Variants in NDUFA12 observed in about 807,000 individuals in gnomAD.
NDUFA12 encodes the protein NADH dehydrogenase [ubiquinone] 1 alpha subcomplex subunit 12.
NDUFA12 carries 17 observed loss-of-function variants against 20.3 expected under a neutral mutation model. The observed-to-expected ratio is 0.84, with a 90% CI of 0.57 to 1.26. The LOEUF (loss-of-function observed/expected upper bound fraction) is 1.26, where lower values mean the gene tolerates loss of function less well. Ranked by LOEUF, NDUFA12 falls within the 50% of genes most tolerant of loss-of-function variation. The pLI is 0.00. For synonymous variants in NDUFA12, 72 were observed against 63.6 expected (o/e 1.13, Z -0.63); for missense variants, 191 against 183.7 (o/e 1.04, Z -0.23).
At chr12:94,982,544 G>A (rs1874278469) in intron 3 of NDUFA12, among the ~76,000 whole-genome samples, 3 of 152,100 alleles carry the variant, frequency 2.0e-5, no homozygotes, top group Non-Finnish European at 4.4e-5. Context: ...CCAAGGTGCT[G>A]TGTGTGAGCC....
In NDUFA12 at chr12:95,002,780, T is replaced by C. The variant is rs1426485486; in HGVS notation, c.128A>G (p.Lys43Arg). ...AKVGTLVGEDKYGNKYYEDNK... is the reference protein window; with the variant it reads ...AKVGTLVGEDRYGNKYYEDNK... ...GTCTTCATAGTATTTGTTTCCATAT[T>C]TGTCTTCCCCCACTAATGTACCAAC... Residue 43 changes from lysine (K) to arginine (R), a missense_variant, in exon 2 of 4, where the codon AAA becomes AGA. Lys to Arg is a conservative substitution (Grantham distance 26, BLOSUM62 2). Coordinates refer to ENST00000327772, the MANE Select transcript of NDUFA12 (RefSeq NM_018838.5). The C allele has an allele frequency of 1.2e-6, 2 of 1,613,980 alleles. No homozygotes were observed. The highest frequency in any genetic ancestry group is 1.7e-6 in the Non-Finnish European group (2 of 1,179,996).
chr12:94,972,289 C>T lies in NDUFA12; in HGVS notation c.258-669G>A, dbSNP rs1245275512. On this transcript the variant is annotated intron_variant, in intron 3 of 3. Transcript: ENST00000327772. ...TTCAGACATGCCATGATTTTATCTA[C>T]CTCTAAGAAAGAAAAGATGCTACCA... is the stretch of plus-strand genomic sequence containing the variant. 3 of 271,818 alleles carry T rather than the reference C, an allele frequency of 1.1e-5. No individual in the cohort carries two copies. The East Asian group carries it at 2.7e-4, about 25-fold the overall frequency. The allele number at this position is 271,818 out of a possible 1,614,324, so 16.8% of individuals were successfully genotyped here. A position where few individuals can be genotyped will look rare whatever the true frequency, so the allele number is the denominator to read the frequency against.
intron 3 of NDUFA12, among the ~76,000 whole-genome samples, chr12:94,978,704 T>C (rs1324724148): frequency 6.6e-6 from 1 of 152,222 alleles, no homozygotes; most frequent in Non-Finnish European, 1.5e-5. Flanking sequence ...AGAAAATGAT[T>C]GTTCCTTATT....
chr12:94,976,540 C>T lies in NDUFA12; in HGVS notation c.258-4920G>A, dbSNP rs555069158. 2.1e-4 allele frequency among the ~76,000 whole-genome samples: 32 copies of T among 152,294 alleles called. No individual in the cohort carries two copies. In the South Asian group the frequency reaches 6.4e-3, roughly 31 times the overall value. On this transcript the variant is annotated intron_variant, in intron 3 of 3. Coordinates refer to ENST00000327772, the MANE Select transcript of NDUFA12 (RefSeq NM_018838.5). ...TTACTTATAATGCCTAATATGATGT[C>T]TGCATATGACTTCATTCATGTGGAT...
intron 3 of NDUFA12, among the ~76,000 whole-genome samples, chr12:94,990,160 C>A (rs1335747260): frequency 6.6e-6 from 1 of 151,872 alleles, no homozygotes; most frequent in Non-Finnish European, 1.5e-5. Flanking sequence ...ATGATCTGTG[C>A]AGCAAACCAT....
At chr12:94,984,759 A>G (rs1307028628) in intron 3 of NDUFA12, among the ~76,000 whole-genome samples, 1 of 145,836 alleles carries the variant, frequency 6.9e-6, no homozygotes, top group African/African-American at 2.5e-5. Flanking sequence ...TAATATATAT[A>G]TATGGAATTA....
At chr12:94,978,755 T>C (rs1049105368) in intron 3 of NDUFA12, among the ~76,000 whole-genome samples, 1 of 152,242 alleles carries the variant, frequency 6.6e-6, no homozygotes, top group African/African-American at 2.4e-5. Context: ...CTTTTTATCC[T>C]ATTTATAAAT....
chr12:94,981,306 G>GTTT lies in NDUFA12; in HGVS notation c.258-9687_258-9686insAAA, dbSNP rs1874232432. Among the ~76,000 whole-genome samples the GTTT allele has an allele frequency of 3.6e-5, 5 of 138,720 alleles. No individual in the cohort carries two copies. The South Asian group carries it at 1.2e-3, about 32-fold the overall frequency. The allele number at this position is 138,720 out of a possible 152,430, so 91.0% of individuals were successfully genotyped here. On this transcript the variant is annotated intron_variant, in intron 3 of 3. Coordinates refer to ENST00000327772, the MANE Select transcript of NDUFA12 (RefSeq NM_018838.5). ...CATACATACATACAAACAGTAGCCG[G>GTTT]GCATGGTGGCCCGTGCCTGTAGCCC...
At chr12:94,992,180 A>G (rs1874668025) in intron 3 of NDUFA12, among the ~76,000 whole-genome samples, 1 of 152,264 alleles carries the variant, frequency 6.6e-6, no homozygotes, top group Non-Finnish European at 1.5e-5. Flanking sequence ...TATTTCAGCA[A>G]TCTATGAAAC....
At chr12:94,993,901 T>C (rs1874732300) in intron 3 of NDUFA12, among the ~76,000 whole-genome samples, 1 of 152,100 alleles carries the variant, frequency 6.6e-6, no homozygotes, top group South Asian at 2.1e-4. Context: ...ACCACTGCAC[T>C]CCAGCCTGGG....
At chr12:95,001,707 G>A (rs1200836995) in intron 2 of NDUFA12, among the ~76,000 whole-genome samples, 1 of 152,120 alleles carries the variant, frequency 6.6e-6, no homozygotes, top group Non-Finnish European at 1.5e-5. Flanking sequence ...AATATTTGTA[G>A]AATTAATTCT....
intron 3 of NDUFA12, among the ~76,000 whole-genome samples, chr12:94,982,358 C>A (rs749537671): frequency 1.6e-4 from 24 of 151,120 alleles, no homozygotes; most frequent in Non-Finnish European, 2.9e-4. Context: ...ACTGCAAGCT[C>A]CGCTTCCCAG....
At chr12:94,991,644 T>C (rs1350167827) in intron 3 of NDUFA12, among the ~76,000 whole-genome samples, 8 of 149,738 alleles carry the variant, frequency 5.3e-5, no homozygotes, top group African/African-American at 2.0e-4. Context: ...GGAGAATTGC[T>C]TGAACCTGGG....
intron 3 of NDUFA12, among the ~76,000 whole-genome samples, chr12:94,973,426 G>A (rs1465634404): frequency 2.0e-5 from 3 of 152,184 alleles, no homozygotes; most frequent in Non-Finnish European, 2.9e-5. Flanking sequence ...ATAGTGGTGA[G>A]CCAGGCTCCA....
intron 3 of NDUFA12, among the ~76,000 whole-genome samples, chr12:94,989,062 C>A (rs1874547303): frequency 6.6e-6 from 1 of 152,168 alleles, no homozygotes. Flanking sequence ...AGGCTTTGCA[C>A]CTGTGGTTCC....
intron 3 of NDUFA12, among the ~76,000 whole-genome samples, chr12:94,979,699 G>A (rs1874175933): frequency 6.6e-6 from 1 of 151,902 alleles, no homozygotes; most frequent in South Asian, 2.1e-4. Context: ...AGCTGGGTGT[G>A]GTCATGGGAC....
At chr12:94,993,624 CAAAAAAAAAAAAAA>C (rs61481976) in intron 3 of NDUFA12, among the ~76,000 whole-genome samples, 1 of 11,354 alleles carries the variant, frequency 8.8e-5, no homozygotes, top group South Asian at 6.4e-3. Context: ...GACTCTGTCT[CAAAAAAAAAAAAAA>C]AAAAAAAAAA....
intron 3 of NDUFA12, among the ~76,000 whole-genome samples, chr12:94,975,240 T>C (rs567141647): frequency 1.4e-4 from 22 of 152,294 alleles, no homozygotes; most frequent in African/African-American, 5.3e-4. Flanking sequence ...GGAAAATATT[T>C]GTAATATACA....
At chr12:94,998,062 C>T (rs977508658) in intron 2 of NDUFA12, among the ~76,000 whole-genome samples, 2 of 152,140 alleles carry the variant, frequency 1.3e-5, no homozygotes, top group South Asian at 2.1e-4. Flanking sequence ...CCCTGATGAA[C>T]ACAGATGCAA....
Sources: allele counts gnomAD v4.1 joint callset (sites outside exome capture counted in the v4.1 genomes callset), GRCh38; gene constraint gnomAD v4.1.1; transcripts MANE v1.5; gene names NCBI Gene and HGNC (gene_info 2026-07-23, HGNC 2026-07-21).